The following PSG5 variants were observed in gnomAD, a reference collection of about 807,000 sequenced individuals.
The protein encoded by PSG5 is pregnancy specific beta-1-glycoprotein 5, also known as pregnancy-specific beta-1-glycoprotein 5.
Under a neutral mutation model 37.7 loss-of-function variants are expected in PSG5, and 53 were observed. The ratio of observed to expected loss-of-function variants is 1.41; its 90% CI spans 1.13 to 1.77. PSG5 has a LOEUF of 1.77. PSG5 is among the 40% of genes most tolerant of loss of function. PSG5 has a pLI of 0.00. For missense variants in PSG5, 547 were observed against 405.2 expected (o/e 1.35, Z -3.00); for synonymous variants, 221 against 155.4 (o/e 1.42, Z -3.14).
chr19:43,173,668 C>T (rs940564651), intron 4 of PSG5, among the ~76,000 whole-genome samples: 1 of 151,590 alleles, frequency 6.6e-6, no homozygotes, highest in Non-Finnish European at 1.5e-5. Context: ...ACCTCACACA[C>T]TTTAGGATGG....
Position 43,176,037 on chromosome 19 carries a change from C to A in PSG5, c.542G>T (p.Trp181Leu). ...PKSENYTYIWWLNGQSLPVSP... is the reference protein window; with the variant it reads ...PKSENYTYIWLLNGQSLPVSP... ...GACCGGGAGGCTCTGACCATTTAGC[C>A]ACCAAATGTAGGTGTAGTTCTCACT... Residue 181 changes from tryptophan to leucine, a missense_variant, in exon 3 of 6, where the codon TGG becomes TTG. By Grantham distance (61) the Trp-to-Leu change is moderately conservative. Coordinates refer to ENST00000342951, the MANE Select transcript of PSG5 (RefSeq NM_002781.4). 1 of 1,611,106 alleles carries A rather than the reference C, an allele frequency of 6.2e-7. No homozygotes were observed. Among genetic ancestry groups the A allele is most frequent in the Non-Finnish European group, 8.5e-7 (1 of 1,179,198 alleles).
At chr19:43,185,964 TC>T (rs1241502822) in intron 1 of PSG5, among the ~76,000 whole-genome samples, 1 of 151,074 alleles carries the variant, frequency 6.6e-6, no homozygotes, top group African/African-American at 2.4e-5. Context: ...TCCTTTTTTT[TC>T]TTTTTTCTTT....
At chr19:43,179,036 A>G (rs758899519) in intron 2 of PSG5, 4 of 1,612,570 alleles carry the variant, frequency 2.5e-6, no homozygotes, top group Admixed American at 1.7e-5. Context: ...GGAGGCTCTG[A>G]CCATTCATCC....
At chr19:43,181,958 G>T (rs1969137658) in intron 2 of PSG5, among the ~76,000 whole-genome samples, 1 of 151,614 alleles carries the variant, frequency 6.6e-6, no homozygotes, top group Non-Finnish European at 1.5e-5. Context: ...ATGGGCATTG[G>T]GGACTGCAGG....
chr19:43,181,733 A>T (rs1394948149), intron 2 of PSG5, among the ~76,000 whole-genome samples: 1 of 151,818 alleles, frequency 6.6e-6, no homozygotes, highest in African/African-American at 2.4e-5. Flanking sequence ...GATTATAGGC[A>T]TGAGCCACTG....
chr19:43,180,846 A>G (rs1020699549), intron 2 of PSG5, among the ~76,000 whole-genome samples: 1 of 151,546 alleles, frequency 6.6e-6, no homozygotes, highest in Non-Finnish European at 1.5e-5. Flanking sequence ...CAGTGCGTCA[A>G]TTACATAAAG....
In PSG5 at chr19:43,167,962, G is replaced by C. The variant is rs707761; in HGVS notation, c.*282C>G. On this transcript the variant is annotated 3_prime_UTR_variant, in exon 6 of 6. Transcript: ENST00000342951. ...AAATAGAAAATTATGAAAACATTATGCTTTTGATTATTTAGTCCAATAACA... is the reference window on the plus strand; with the variant it reads ...AAATAGAAAATTATGAAAACATTATCCTTTTGATTATTTAGTCCAATAACA... 148 of 400,390 alleles carry C rather than the reference G, an allele frequency of 3.7e-4. 2 individuals are homozygous for C. The highest frequency in any genetic ancestry group is 4.8e-4 in the Non-Finnish European group (105 of 217,298). The allele number at this position is 400,390 out of a possible 1,614,324, so 24.8% of individuals were successfully genotyped here.
intron 1 of PSG5, among the ~76,000 whole-genome samples, chr19:43,185,958 TTTTTTTC>T (rs1337272398): frequency 1.3e-5 from 2 of 150,896 alleles, no homozygotes; most frequent in Admixed American, 6.6e-5. Context: ...CTTCTTTCCT[TTTTTTTC>T]TTTTTTCTTT....
intron 2 of PSG5, among the ~76,000 whole-genome samples, chr19:43,184,210 C>T (rs1265878076): frequency 6.6e-6 from 1 of 151,712 alleles, no homozygotes; most frequent in Non-Finnish European, 1.5e-5. Context: ...GAAGAAAGCT[C>T]TGTCTTTGCC....
chr19:43,173,731 T>C (rs1463320953), intron 4 of PSG5, among the ~76,000 whole-genome samples: 2 of 151,538 alleles, frequency 1.3e-5, no homozygotes, highest in South Asian at 2.1e-4. Context: ...TGTTTTCAAG[T>C]AGATGGAAAA....
chr19:43,174,396 C>G, intron 4 of PSG5: 1 of 831,852 alleles, frequency 1.2e-6, no homozygotes, highest in East Asian at 1.2e-4. Flanking sequence ...TAATTACACA[C>G]TTTTTGGCAC....
Position 43,170,066 on chromosome 19 carries a change from C to A in PSG5, c.*29G>T. ...AAAGGCCATCATACCTGCCAGTCTTCCTGAAATACAGAAATGACTTCACGG... is the reference window on the plus strand; with the variant it reads ...AAAGGCCATCATACCTGCCAGTCTTACTGAAATACAGAAATGACTTCACGG... On this transcript the variant is annotated 3_prime_UTR_variant, in exon 5 of 6. Transcript: ENST00000342951. The A allele has an allele frequency of 1.3e-6, 2 of 1,547,340 alleles. No homozygotes were observed. Among genetic ancestry groups the A allele is most frequent in the Non-Finnish European group, 1.8e-6 (2 of 1,127,290 alleles).
In PSG5 at chr19:43,168,652, G is replaced by A. The variant is rs138309563; in HGVS notation, c.*41-449C>T. Among the ~76,000 whole-genome samples the A allele has an allele frequency of 3.5e-3, 531 of 151,854 alleles. 21 individuals carry two copies. The highest frequency in any genetic ancestry group is 0.012 in the African/African-American group (502 of 41,304). ...CTCCCAAACTGCTGGGATTGCAGGC[G>A]TGAGCCATCGCGCCCAGCGTAGAAT... On this transcript the variant is annotated intron_variant, in intron 5 of 5. Coordinates refer to ENST00000342951, the MANE Select transcript of PSG5 (RefSeq NM_002781.4).
intron 2 of PSG5, among the ~76,000 whole-genome samples, chr19:43,176,358 T>A (rs1320871260): frequency 6.6e-6 from 1 of 151,586 alleles, no homozygotes; most frequent in African/African-American, 2.4e-5. Context: ...AAGCACAGAC[T>A]TTCTCAAGTG....
rs1968822848 is a variant in PSG5 at position 43,167,998 on chromosome 19, T to TATATAACA, written c.*245_*246insTGTTATAT. The TATATAACA allele has an allele frequency of 7.3e-6, 3 of 410,352 alleles. No homozygotes were observed. The highest frequency in any genetic ancestry group is 6.2e-5 in the African/African-American group (3 of 48,302). The allele number at this position is 410,352 out of a possible 1,614,324, so 25.4% of individuals were successfully genotyped here. A position where few individuals can be genotyped will look rare whatever the true frequency, so the allele number is the denominator to read the frequency against. ...TTTAGTCCAATAACATGGAGTTTTT[T>TATATAACA]TCTTCTTTGTCTAGAATTTCATGAA... is the stretch of plus-strand genomic sequence containing the variant. On this transcript the variant is annotated 3_prime_UTR_variant, in exon 6 of 6. Transcript: ENST00000342951.
intron 1 of PSG5, among the ~76,000 whole-genome samples, chr19:43,185,498 C>T (rs994558660): frequency 1.7e-4 from 25 of 149,816 alleles, no homozygotes; most frequent in Admixed American, 1.4e-3. Context: ...TTTCCTGACA[C>T]GTCCTTCAGA....
Position 43,175,299 on chromosome 19 carries a change from T to C in PSG5, c.880A>G (p.Lys294Glu). 1.9e-6 allele frequency: 3 copies of C among 1,612,690 alleles called. No homozygotes were observed. The highest frequency in any genetic ancestry group is 1.1e-5 in the South Asian group (1 of 91,052). ...GAGCAAGTATAGAGCCCTCTATGCT[T>C]TGTAGTAATTTGGGGGATAGAGAGC... is the stretch of plus-strand genomic sequence containing the variant. ...QKLSIPQITT[K>E]HRGLYTCSVR... Residue 294 changes from lysine to glutamate, a missense_variant, in exon 4 of 6, where the codon AAG (lysine) becomes GAG (glutamate). Lys to Glu is a moderately conservative substitution (Grantham distance 56). Coordinates refer to ENST00000342951, the MANE Select transcript of PSG5 (RefSeq NM_002781.4).
intron 2 of PSG5, among the ~76,000 whole-genome samples, chr19:43,183,927 C>G (rs537348598): frequency 1.1e-4 from 2 of 18,478 alleles, no homozygotes; most frequent in African/African-American, 9.6e-4. Context: ...TTTCATGCTA[C>G]TGTGAATAAA....
intron 2 of PSG5, among the ~76,000 whole-genome samples, chr19:43,181,116 G>A (rs1421107495): frequency 3.3e-5 from 5 of 151,532 alleles, no homozygotes; most frequent in African/African-American, 1.2e-4. Flanking sequence ...TATGAAAATG[G>A]CATCATCATG....
Sources: gnomAD v4.1 joint callset for allele counts (sites outside exome capture counted in the v4.1 genomes callset) on GRCh38, gnomAD v4.1.1 for gene constraint, MANE v1.5 for transcripts, NCBI Gene and HGNC (gene_info 2026-07-23, HGNC 2026-07-21) for gene names.